Variants in STX8 observed in about 807,000 individuals in gnomAD.
STX8 encodes syntaxin 8.
Under a neutral mutation model 37.5 loss-of-function variants are expected in STX8, and 23 were observed. The ratio of observed to expected loss-of-function variants is 0.61; its 90% CI spans 0.44 to 0.87. The LOEUF is 0.87. STX8 is among the 40% of genes least tolerant of loss of function. The pLI, the probability that STX8 is intolerant of heterozygous loss-of-function variation, is 0.00. For synonymous variants in STX8, 115 were observed against 99.1 expected (o/e 1.16, Z -0.95); for missense variants, 313 against 284.7 (o/e 1.10, Z -0.71).
At chr17:9,549,632 C>A (rs1906683481) in intron 3 of STX8, among the ~76,000 whole-genome samples, 1 of 152,168 alleles carries the variant, frequency 6.6e-6, no homozygotes, top group Non-Finnish European at 1.5e-5. Context: ...TTCCCAGAGA[C>A]TCTGTAAATC....
At chr17:9,430,270 G>C (rs1913910095) in intron 6 of STX8, among the ~76,000 whole-genome samples, 1 of 136,956 alleles carries the variant, frequency 7.3e-6, no homozygotes, top group Non-Finnish European at 1.5e-5. Flanking sequence ...ATATAATTCT[G>C]TGGCATTAAT....
In STX8 at chr17:9,290,819, G is replaced by GCCCCCC. The variant is rs1908286883; in HGVS notation, c.644-40175_644-40174insGGGGGG. Among the ~76,000 whole-genome samples, 14 of 152,298 alleles carry GCCCCCC rather than the reference G, an allele frequency of 9.2e-5. No homozygotes were observed. In the South Asian group the frequency reaches 2.9e-3, roughly 32 times the overall value. ...TTGGAAAAGGGGAAAGGCACACATT[G>GCCCCCC]CCACCCAGTCCAGGACGTACATGCT... On this transcript the variant is annotated intron_variant, in intron 7 of 7. Coordinates refer to ENST00000306357, the MANE Select transcript of STX8 (RefSeq NM_004853.3).
At chr17:9,574,832 C>A (rs958356565) in intron 1 of STX8, among the ~76,000 whole-genome samples, 3 of 152,152 alleles carry the variant, frequency 2.0e-5, no homozygotes, top group African/African-American at 7.2e-5. Context: ...CCACCGCGTC[C>A]GGCCTAAAAT....
intron 7 of STX8, among the ~76,000 whole-genome samples, chr17:9,265,438 C>T (rs1240662092): frequency 6.6e-6 from 1 of 152,276 alleles, no homozygotes; most frequent in Non-Finnish European, 1.5e-5. Flanking sequence ...GGGGGCCTGG[C>T]TCAGGCAGGT....
At chr17:9,251,000 T>C (rs78627041) in intron 7 of STX8, among the ~76,000 whole-genome samples, 22,182 of 152,138 alleles carry the variant, frequency 0.15, 1,750 homozygotes, top group Non-Finnish European at 0.18. Flanking sequence ...GATTATGCAT[T>C]GATGACGCAT....
At chr17:9,503,360 G>A (rs948722662) in intron 5 of STX8, among the ~76,000 whole-genome samples, 1 of 152,068 alleles carries the variant, frequency 6.6e-6, no homozygotes, top group Admixed American at 6.5e-5. Flanking sequence ...GAAAACTTTT[G>A]GGAATAACAA....
chr17:9,332,154 A>G (rs141231323), intron 7 of STX8, among the ~76,000 whole-genome samples: 22 of 152,286 alleles, frequency 1.4e-4, no homozygotes, highest in African/African-American at 5.1e-4. Context: ...AGGATTTCTT[A>G]GCTGAAAAAT....
intron 7 of STX8, among the ~76,000 whole-genome samples, chr17:9,321,341 C>A (rs572404841): frequency 8.5e-4 from 129 of 151,934 alleles, no homozygotes; most frequent in African/African-American, 2.6e-3. Flanking sequence ...ATCAGCCTGG[C>A]CAACATGGTA....
intron 6 of STX8, among the ~76,000 whole-genome samples, chr17:9,434,695 G>T (rs1028998279): frequency 5.3e-5 from 8 of 152,190 alleles, no homozygotes; most frequent in Admixed American, 2.0e-4. Flanking sequence ...AGAGGTGAGC[G>T]GCAGTGTGCA....
chr17:9,457,544 A>G (rs1199935678), intron 6 of STX8, among the ~76,000 whole-genome samples: 3 of 152,388 alleles, frequency 2.0e-5, no homozygotes, highest in African/African-American at 7.2e-5. Context: ...GCACATCTGC[A>G]AAGTCTCTGG....
At chr17:9,430,291 G>T (rs1218446701) in intron 6 of STX8, among the ~76,000 whole-genome samples, 6 of 143,494 alleles carry the variant, frequency 4.2e-5, no homozygotes, top group Non-Finnish European at 7.5e-5. Context: ...TACACTAACA[G>T]TGTGGTATAA....
chr17:9,525,843 T>C (rs1193530524), intron 4 of STX8, among the ~76,000 whole-genome samples: 2 of 152,174 alleles, frequency 1.3e-5, no homozygotes, highest in Non-Finnish European at 2.9e-5. Context: ...ATAGAACACT[T>C]TCCAGTTTAC....
intron 7 of STX8, among the ~76,000 whole-genome samples, chr17:9,265,260 T>C (rs190996715): frequency 8.7e-4 from 132 of 152,362 alleles, no homozygotes; most frequent in Middle Eastern, 6.8e-3. Flanking sequence ...GAATATGAGA[T>C]GGGCTCCAGT....
intron 7 of STX8, among the ~76,000 whole-genome samples, chr17:9,356,830 A>G (rs531261121): frequency 6.6e-6 from 1 of 152,190 alleles, no homozygotes; most frequent in African/African-American, 2.4e-5. Context: ...CAATCCCAGG[A>G]GTACTGTGGT....
chr17:9,263,398 G>A (rs1907117264), intron 7 of STX8, among the ~76,000 whole-genome samples: 1 of 151,212 alleles, frequency 6.6e-6, no homozygotes, highest in Non-Finnish European at 1.5e-5. Flanking sequence ...GAGATCGCTT[G>A]AACCTGGGAG....
chr17:9,312,428 C>A (rs190266084), intron 7 of STX8, among the ~76,000 whole-genome samples: 1 of 151,810 alleles, frequency 6.6e-6, no homozygotes, highest in Non-Finnish European at 1.5e-5. Context: ...CTCAAACTCC[C>A]GACCTCAGGT....
At chr17:9,563,665 A>G (rs1907342295) in intron 2 of STX8, among the ~76,000 whole-genome samples, 1 of 152,208 alleles carries the variant, frequency 6.6e-6, no homozygotes, top group Non-Finnish European at 1.5e-5. Context: ...GAGGAATGGG[A>G]ACAAGACTTT....
At chr17:9,327,232 AAGGAGGAC>A (rs1909791599) in intron 7 of STX8, among the ~76,000 whole-genome samples, 1 of 149,178 alleles carries the variant, frequency 6.7e-6, no homozygotes, top group Non-Finnish European at 1.5e-5. Context: ...AAGAAGGAGG[AAGGAGGAC>A]AGAGGAGGAA....
chr17:9,403,986 G>A (rs191859988), intron 6 of STX8, among the ~76,000 whole-genome samples: 5 of 152,062 alleles, frequency 3.3e-5, no homozygotes, highest in South Asian at 2.1e-4. Context: ...TTAACTAACC[G>A]TCTACTGTTA....
Sources: gnomAD v4.1 joint callset for allele counts (sites outside exome capture counted in the v4.1 genomes callset) on GRCh38, gnomAD v4.1.1 for gene constraint, MANE v1.5 for transcripts, NCBI Gene and HGNC (gene_info 2026-07-23, HGNC 2026-07-21) for gene names.